MAP2: variants seen among roughly 807,000 people sequenced by gnomAD.
MAP2 encodes microtubule-associated protein 2.
A neutral mutation model predicts 137.6 loss-of-function variants in MAP2; 14 were observed. The observed-to-expected ratio is 0.10, with a 90% confidence interval of 0.07 to 0.16. The LOEUF is 0.16. MAP2 is among the 10% of genes least tolerant of loss of function. MAP2 has a pLI of 1.00. For synonymous variants in MAP2, 786 were observed against 782.3 expected (o/e 1.00, Z -0.08); for missense variants, 2,088 against 2,191.5 (o/e 0.95, Z 0.94).
In MAP2 at chr2:209,687,926, C is replaced by A. The variant is rs183610096; in HGVS notation, c.455-4699C>A. On this transcript the variant is annotated intron_variant, in intron 7 of 15. Coordinates refer to ENST00000682079, the MANE Select transcript of MAP2 (RefSeq NM_001375505.1). ...TCTAGTGTGCTCCCCAGTGTCACAG[C>A]GCAGAGTGCAGAGGCCCACTTAGGC... Among the ~76,000 whole-genome samples, 800 of 152,236 alleles carry A rather than the reference C, an allele frequency of 5.3e-3. 14 individuals carry two copies. Among genetic ancestry groups the A allele is most frequent in the African/African-American group, 0.018 (749 of 41,542 alleles).
At chr2:209,704,049 T>C (rs1355379047) in intron 11 of MAP2, 1 of 454,858 alleles carries the variant, frequency 2.2e-6, no homozygotes, top group Admixed American at 2.3e-5. Flanking sequence ...GAGCTTATAT[T>C]GATTCCATCA....
chr2:209,621,522 G>C (rs551068698), intron 3 of MAP2, among the ~76,000 whole-genome samples: 1 of 151,872 alleles, frequency 6.6e-6, no homozygotes, highest in African/African-American at 2.4e-5. Context: ...GCCTCCCAAA[G>C]TGCTAGGATT....
At chr2:209,545,352 G>A (rs904609186) in intron 2 of MAP2, among the ~76,000 whole-genome samples, 1 of 152,058 alleles carries the variant, frequency 6.6e-6, no homozygotes, top group South Asian at 2.1e-4. Flanking sequence ...CTGCACTATT[G>A]GGTCTCTAAA....
chr2:209,645,713 AT>A (rs2094378234), intron 4 of MAP2, among the ~76,000 whole-genome samples: 1 of 152,222 alleles, frequency 6.6e-6, no homozygotes, highest in Non-Finnish European at 1.5e-5. Context: ...TTATGTATTT[AT>A]GATATATATT....
intron 4 of MAP2, among the ~76,000 whole-genome samples, chr2:209,629,113 C>T (rs1019675107): frequency 6.6e-6 from 1 of 152,138 alleles, no homozygotes; most frequent in Admixed American, 6.6e-5. Context: ...AAGAAAAATG[C>T]ACATAGACAA....
chr2:209,601,250 C>G (rs569333505), intron 3 of MAP2, among the ~76,000 whole-genome samples: 136 of 151,572 alleles, frequency 9.0e-4, no homozygotes, highest in African/African-American at 2.6e-3. Context: ...TATGGTTATG[C>G]GTAGTCAATC....
chr2:209,562,420 G>A (rs999783964), intron 2 of MAP2, among the ~76,000 whole-genome samples: 1 of 151,664 alleles, frequency 6.6e-6, no homozygotes, highest in Non-Finnish European at 1.5e-5. Flanking sequence ...ATGCAGGTTA[G>A]GCACGCTGGC....
At chr2:209,457,506 G>A (rs1001875418) in intron 1 of MAP2, among the ~76,000 whole-genome samples, 1 of 152,164 alleles carries the variant, frequency 6.6e-6, no homozygotes, top group African/African-American at 2.4e-5. Context: ...GTGTGAATGG[G>A]ATGCTTTGGT....
At chr2:209,456,841 A>G (rs1701646731) in intron 1 of MAP2, among the ~76,000 whole-genome samples, 1 of 152,220 alleles carries the variant, frequency 6.6e-6, no homozygotes, top group Non-Finnish European at 1.5e-5. Flanking sequence ...CATGTAAATC[A>G]CATTCAAGAA....
intron 2 of MAP2, among the ~76,000 whole-genome samples, chr2:209,523,443 GC>G (rs1389632746): frequency 6.6e-6 from 1 of 152,010 alleles, no homozygotes; most frequent in Non-Finnish European, 1.5e-5. Flanking sequence ...CGCCCTGTGT[GC>G]CCTTCTCTAT....
intron 4 of MAP2, among the ~76,000 whole-genome samples, chr2:209,642,153 A>G (rs1161597101): frequency 2.0e-5 from 3 of 152,180 alleles, no homozygotes; most frequent in African/African-American, 7.2e-5. Context: ...AATAAAAACC[A>G]TAAAATGGGC....
intron 5 of MAP2, among the ~76,000 whole-genome samples, chr2:209,669,789 A>G (rs1353395966): frequency 2.0e-5 from 3 of 151,646 alleles, no homozygotes; most frequent in Admixed American, 6.6e-5. Context: ...ACACACACAC[A>G]CGCACACACA....
intron 1 of MAP2, among the ~76,000 whole-genome samples, chr2:209,447,750 G>C (rs1699414010): frequency 6.6e-6 from 1 of 151,960 alleles, no homozygotes; most frequent in Non-Finnish European, 1.5e-5. Flanking sequence ...TGTACTATCA[G>C]TACTTCCAAA....
At chr2:209,600,164 C>T (rs1396375102) in intron 3 of MAP2, among the ~76,000 whole-genome samples, 1 of 152,128 alleles carries the variant, frequency 6.6e-6, no homozygotes, top group African/African-American at 2.4e-5. Context: ...CCATTTCACT[C>T]TTACCCAAAA....
At chr2:209,460,078 C>T (rs1245172611) in intron 1 of MAP2, among the ~76,000 whole-genome samples, 2 of 152,170 alleles carry the variant, frequency 1.3e-5, no homozygotes, top group Non-Finnish European at 2.9e-5. Flanking sequence ...CAACTCAGCA[C>T]ATAAATTATT....
intron 5 of MAP2, among the ~76,000 whole-genome samples, chr2:209,668,317 A>G (rs2047234802): frequency 6.6e-6 from 1 of 152,050 alleles, no homozygotes; most frequent in South Asian, 2.1e-4. Context: ...ATGAATAAAC[A>G]ACATTGAAGC....
Position 209,730,259 on chromosome 2 carries a change from C to A in MAP2, c.5346C>A (p.Ser1782=). The A allele has an allele frequency of 6.2e-7, 1 of 1,614,030 alleles. No homozygotes were observed. The highest frequency in any genetic ancestry group is 8.5e-7 in the Non-Finnish European group (1 of 1,179,986). The change falls in exon 16 of 16, where the codon TCC becomes TCA. Residue 1782 remains serine (S), a synonymous_variant. Coordinates refer to ENST00000682079, the MANE Select transcript of MAP2 (RefSeq NM_001375505.1). ...VDHGAEIITQ[S]PGRSSVASPR... ...ATGGGGCTGAGATCATTACACAGTCCCCAGGCAGATCCAGCGTGGCATCAC... is the reference window on the plus strand; with the variant it reads ...ATGGGGCTGAGATCATTACACAGTCACCAGGCAGATCCAGCGTGGCATCAC...
At chr2:209,460,679 C>T (rs184996984) in intron 1 of MAP2, among the ~76,000 whole-genome samples, 52 of 150,164 alleles carry the variant, frequency 3.5e-4, no homozygotes, top group African/African-American at 1.3e-3. Context: ...TAATTTATAA[C>T]AAATTTTCTC....
intron 2 of MAP2, among the ~76,000 whole-genome samples, chr2:209,550,595 C>T (rs910866943): frequency 1.3e-5 from 2 of 152,082 alleles, no homozygotes; most frequent in Non-Finnish European, 2.9e-5. Flanking sequence ...TTCTTAATTT[C>T]TAAGCCAGGG....
Sources: gnomAD v4.1 joint callset for allele counts (sites outside exome capture counted in the v4.1 genomes callset) on GRCh38, gnomAD v4.1.1 for gene constraint, MANE v1.5 for transcripts, NCBI Gene and HGNC (gene_info 2026-07-23, HGNC 2026-07-21) for gene names.